The following GPC5 variants were observed in gnomAD, a reference collection of about 807,000 sequenced individuals.
GPC5 encodes the protein glypican-5.
Under a neutral mutation model 53.9 loss-of-function variants are expected in GPC5, and 47 were observed. The observed-to-expected ratio is 0.87, with a 90% CI of 0.69 to 1.11. The LOEUF is 1.11. Ranked by LOEUF, GPC5 falls within the 50% of genes most tolerant of loss-of-function variation. GPC5 has a pLI of 0.00. For synonymous variants in GPC5, 286 were observed against 263.3 expected, an observed-to-expected ratio of 1.09 and a Z score of -0.84; for missense variants, 748 against 713.1, an observed-to-expected ratio of 1.05 and a Z score of -0.56.
intron 2 of GPC5, among the ~76,000 whole-genome samples, chr13:91,667,106 T>G (rs556155253): frequency 6.6e-6 from 1 of 152,324 alleles, no homozygotes; most frequent in East Asian, 1.9e-4. Context: ...TTTTGATAAC[T>G]TACAGTGGTG....
intron 7 of GPC5, among the ~76,000 whole-genome samples, chr13:92,443,456 G>A (rs1255116795): frequency 2.6e-5 from 4 of 152,220 alleles, no homozygotes; most frequent in Admixed American, 2.0e-4. Flanking sequence ...TAGAAGTTGT[G>A]AAATCACCAA....
At chr13:92,225,180 G>A (rs1405152024) in intron 7 of GPC5, among the ~76,000 whole-genome samples, 3 of 152,104 alleles carry the variant, frequency 2.0e-5, no homozygotes, top group Non-Finnish European at 2.9e-5. Context: ...GGCTGGAAAT[G>A]GCTCTGGAAT....
chr13:91,527,438 C>G (rs1594210545), intron 2 of GPC5, among the ~76,000 whole-genome samples: 1 of 152,254 alleles, frequency 6.6e-6, no homozygotes, highest in East Asian at 1.9e-4. Flanking sequence ...AAGGCTTGGG[C>G]TCCCAAGGCC....
At chr13:92,479,887 G>A (rs1879285990) in intron 7 of GPC5, among the ~76,000 whole-genome samples, 3 of 152,188 alleles carry the variant, frequency 2.0e-5, no homozygotes, top group East Asian at 1.9e-4. Flanking sequence ...AACTTGCGAT[G>A]TAAAATGCGT....
intron 6 of GPC5, among the ~76,000 whole-genome samples, chr13:91,974,656 G>A (rs916082256): frequency 5.9e-5 from 9 of 152,130 alleles, no homozygotes; most frequent in African/African-American, 2.2e-4. Context: ...CATGCTCATG[G>A]GTAGGAAGAA....
intron 2 of GPC5, among the ~76,000 whole-genome samples, chr13:91,532,124 G>T (rs961800782): frequency 2.6e-5 from 4 of 152,126 alleles, no homozygotes; most frequent in African/African-American, 9.7e-5. Context: ...GCAGATTAAG[G>T]AAATTGACAC....
intron 7 of GPC5, among the ~76,000 whole-genome samples, chr13:92,864,296 G>T (rs999431252): frequency 5.9e-5 from 9 of 152,140 alleles, no homozygotes; most frequent in African/African-American, 2.2e-4. Context: ...ATGTAAGATG[G>T]TAAAATAGCA....
intron 7 of GPC5, among the ~76,000 whole-genome samples, chr13:92,321,696 A>C (rs2043217251): frequency 6.6e-6 from 1 of 152,190 alleles, no homozygotes; most frequent in African/African-American, 2.4e-5. Context: ...AAACATCCAG[A>C]AACAAAGATT....
chr13:91,489,001 C>T (rs1363071841), intron 2 of GPC5, among the ~76,000 whole-genome samples: 1 of 152,160 alleles, frequency 6.6e-6, no homozygotes, highest in East Asian at 1.9e-4. Context: ...CTGTAGCACT[C>T]CCAGGCTTAT....
At position 92,361,511 on chromosome 13, in the gene GPC5, G is replaced by C. The variant is rs147703212; in HGVS notation, c.1561+216522G>C. 4.0e-4 allele frequency among the ~76,000 whole-genome samples: 61 copies of C among 151,808 alleles called. No homozygotes were observed. The East Asian group carries it at 0.011, about 28-fold the overall frequency. On this transcript the variant is annotated intron_variant, in intron 7 of 7. Coordinates refer to ENST00000377067, the MANE Select transcript of GPC5 (RefSeq NM_004466.6). ...GATCAAAGCTAGCAGGCTTATGAGAGAGCATGAGTTGAGCGGGTAAGAAAG... is the reference window on the plus strand; with the variant it reads ...GATCAAAGCTAGCAGGCTTATGAGACAGCATGAGTTGAGCGGGTAAGAAAG...
chr13:92,463,610 T>TA (rs1239802715), intron 7 of GPC5, among the ~76,000 whole-genome samples: 2 of 152,058 alleles, frequency 1.3e-5, no homozygotes, highest in Non-Finnish European at 2.9e-5. Context: ...GAGGAAGATT[T>TA]TTTTTTAACT....
intron 7 of GPC5, among the ~76,000 whole-genome samples, chr13:92,788,158 GAGA>G (rs1229085347): frequency 6.6e-6 from 1 of 151,970 alleles, no homozygotes; most frequent in East Asian, 1.9e-4. Flanking sequence ...AGAGAACACT[GAGA>G]AGAAACACTT....
chr13:91,820,354 G>A (rs2038472564), intron 5 of GPC5, among the ~76,000 whole-genome samples: 1 of 151,962 alleles, frequency 6.6e-6, no homozygotes, highest in Non-Finnish European at 1.5e-5. Flanking sequence ...AGCCTTATAG[G>A]CATGTTTTTC....
At chr13:92,053,756 C>T (rs1163898342) in intron 6 of GPC5, among the ~76,000 whole-genome samples, 2 of 151,798 alleles carry the variant, frequency 1.3e-5, no homozygotes, top group Admixed American at 6.6e-5. Context: ...CATGGCCGGG[C>T]GCGGTGGTTT....
chr13:92,136,517 A>G (rs2041785852), intron 6 of GPC5, among the ~76,000 whole-genome samples: 1 of 152,218 alleles, frequency 6.6e-6, no homozygotes, highest in Non-Finnish European at 1.5e-5. Context: ...ATAAAAGTGT[A>G]CAAGTGCATA....
chr13:92,270,263 C>T (rs1310466159), intron 7 of GPC5, among the ~76,000 whole-genome samples: 1 of 152,132 alleles, frequency 6.6e-6, no homozygotes, highest in Non-Finnish European at 1.5e-5. Flanking sequence ...GCCCAAATCT[C>T]ATGTTGAATT....
At chr13:92,665,396 T>G (rs1886535368) in intron 7 of GPC5, among the ~76,000 whole-genome samples, 1 of 152,152 alleles carries the variant, frequency 6.6e-6, no homozygotes, top group African/African-American at 2.4e-5. Flanking sequence ...ATCCCGGAAG[T>G]GTCAAACCAA....
chr13:92,650,781 G>A (rs992322053), intron 7 of GPC5, among the ~76,000 whole-genome samples: 9 of 152,130 alleles, frequency 5.9e-5, no homozygotes, highest in Non-Finnish European at 1.3e-4. Context: ...TTCTTTTAGG[G>A]TTTCCTTTTA....
chr13:91,497,073 G>T (rs1884310109), intron 2 of GPC5, among the ~76,000 whole-genome samples: 2 of 149,682 alleles, frequency 1.3e-5, no homozygotes, highest in Admixed American at 1.3e-4. Context: ...CCTCTAAGTT[G>T]TTTTTTTTTA....
Sources: gnomAD v4.1 joint callset for allele counts (sites outside exome capture counted in the v4.1 genomes callset) on GRCh38, gnomAD v4.1.1 for gene constraint, MANE v1.5 for transcripts, NCBI Gene and HGNC (gene_info 2026-07-23, HGNC 2026-07-21) for gene names.